Variants in ABCC8 observed in about 807,000 individuals in gnomAD.
ABCC8 encodes ATP-binding cassette sub-family C member 8.
A neutral mutation model predicts 188.0 loss-of-function variants in ABCC8; 137 were observed. The observed-to-expected ratio is 0.73, with a 90% confidence interval of 0.63 to 0.84. The LOEUF (loss-of-function observed/expected upper bound fraction) is 0.84, where lower values mean the gene tolerates loss of function less well. ABCC8 is among the 40% of genes least tolerant of loss of function. The probability of loss-of-function intolerance (pLI) is 0.00; values close to 1 mark genes in which losing one functional copy is unlikely to be tolerated. For missense variants in ABCC8, 1,750 were observed against 2,072.7 expected, an observed-to-expected ratio of 0.84 and a Z score of 3.02; for synonymous variants, 797 against 846.5, an observed-to-expected ratio of 0.94 and a Z score of 1.01.
At chr11:17,435,529 C>G (rs1956052715) in intron 10 of ABCC8, 1 of 1,129,650 alleles carries the variant, frequency 8.9e-7, no homozygotes, top group Non-Finnish European at 1.3e-6. Context: ...ACAAGGTACT[C>G]TACTGCTCCA....
At position 17,395,395 on chromosome 11, in the gene ABCC8, C is replaced by T. The variant is rs747630692; in HGVS notation, c.4308-120G>A. On this transcript the variant is annotated intron_variant, in intron 35 of 38. Coordinates refer to ENST00000389817, the MANE Select transcript of ABCC8 (RefSeq NM_000352.6). The stretch of plus-strand genomic sequence containing the variant: ...TTGGAGGTCTGGCTGGGAGAAGCAC[C>T]GAGGTGGTGGCAGTGGGTGGGGGAC... 28 of 1,530,028 alleles carry T rather than the reference C, an allele frequency of 1.8e-5. No individual in the cohort carries two copies. The East Asian group carries it at 2.5e-4, about 13-fold the overall frequency. 94.8% of individuals were successfully genotyped at this position (1,530,028 alleles called of 1,614,324 possible). A position where few individuals can be genotyped will look rare whatever the true frequency, so the allele number is the denominator to read the frequency against.
chr11:17,441,806 G>A (rs910038854), intron 10 of ABCC8, among the ~76,000 whole-genome samples: 4 of 152,216 alleles, frequency 2.6e-5, no homozygotes, highest in Non-Finnish European at 5.9e-5. Flanking sequence ...TTTGGGCTGG[G>A]CACAGTGGCT....
intron 11 of ABCC8, 121 bp from the exon 12 acceptor site, chr11:17,431,080 T>C (rs1955827549): frequency 2.0e-6 from 3 of 1,484,184 alleles, no homozygotes; most frequent in Admixed American, 2.0e-5. Flanking sequence ...CCTAAGAGGA[T>C]CTTTTAGTTG....
intron 22 of ABCC8, among the ~76,000 whole-genome samples, chr11:17,408,865 C>T (rs769916357): frequency 9.2e-5 from 14 of 152,026 alleles, no homozygotes; most frequent in African/African-American, 3.1e-4. Context: ...CTCCTCTTGA[C>T]GGCGGGTCTG....
chr11:17,394,423 A>T, intron 36 of ABCC8, 24 bp from the exon 37 acceptor site: 1 of 1,614,110 alleles, frequency 6.2e-7, no homozygotes, highest in South Asian at 1.1e-5. Context: ...GGGGAGATGA[A>T]GTAGGACTGA....
chr11:17,430,809 C>T lies in ABCC8; in HGVS notation c.1817+5G>A, dbSNP rs1224449122. The T allele has an allele frequency of 6.2e-7, 1 of 1,614,098 alleles. No individual in the cohort carries two copies. On this transcript the variant is annotated splice_donor_5th_base_variant and intron_variant, in intron 12 of 38. Coordinates refer to ENST00000389817, the MANE Select transcript of ABCC8 (RefSeq NM_000352.6). ...CCAGTGCCCTCGCCCGGACCCTCCC[C>T]TCACCTCACTAGAGCTTTGACGGTA... is the stretch of plus-strand genomic sequence containing the variant.
At chr11:17,460,978 CT>C in intron 5 of ABCC8, 1 of 477,296 alleles carries the variant, frequency 2.1e-6, no homozygotes, top group Non-Finnish European at 3.8e-6. Flanking sequence ...ATGTGCCACA[CT>C]CACTCATTAC....
chr11:17,431,666 T>G (rs554220721), intron 11 of ABCC8, among the ~76,000 whole-genome samples: 3 of 152,362 alleles, frequency 2.0e-5, no homozygotes. Context: ...TTATCAAAAT[T>G]GCTTTAGAAA....
At chr11:17,428,462 G>A in intron 13 of ABCC8, 57 bp from the exon 14 acceptor site, 2 of 1,603,504 alleles carry the variant, frequency 1.2e-6, no homozygotes, top group Non-Finnish European at 1.7e-6. Context: ...AGGGAAGGGA[G>A]CCCCTCTTCC....
intron 21 of ABCC8, 81 bp downstream of exon 21, chr11:17,412,585 T>C: frequency 6.6e-7 from 1 of 1,510,654 alleles, no homozygotes; most frequent in Non-Finnish European, 9.0e-7. Flanking sequence ...TGGATGATGG[T>C]GGGGTTGCGG....
chr11:17,433,659 A>C (rs1166305194), intron 10 of ABCC8, among the ~76,000 whole-genome samples: 4 of 152,174 alleles, frequency 2.6e-5, no homozygotes, highest in African/African-American at 9.7e-5. Context: ...GCCCCTTAGG[A>C]GTTCTCAAGC....
rs569546580 is a variant in ABCC8 at position 17,467,042 on chromosome 11, C to CCACACACACACACACACA, written c.412+3041_412+3058dup. ...TAAATTTTATGTTAAACATGTTAAA[C>CCACACACACACACACACA]CACACACACACACACACACACACAC... On this transcript the variant is annotated intron_variant, in intron 3 of 38. Transcript: ENST00000389817. Among the ~76,000 whole-genome samples the CCACACACACACACACACA allele has an allele frequency of 2.1e-3, 279 of 132,380 alleles. 3 individuals carry two copies. Among genetic ancestry groups the CCACACACACACACACACA allele is most frequent in the Middle Eastern group, 4.0e-3 (1 of 252 alleles). 86.8% of individuals were successfully genotyped at this position (132,380 alleles called of 152,430 possible). A position where few individuals can be genotyped will look rare whatever the true frequency, so the allele number is the denominator to read the frequency against.
rs144348011 is a variant in ABCC8 at position 17,406,644 on chromosome 11, G to T, written c.3307C>A (p.Arg1103=). Reference sequence around the variant, plus strand: ...TACCTCATGGGGGCTAGGATGATCCGGTTTAGCAGGCTGCGGTGCAGTCTC... The same window carrying T: ...TACCTCATGGGGGCTAGGATGATCCTGTTTAGCAGGCTGCGGTGCAGTCTC... ...AKRLHRSLLN[R]IILAPMRFFE... The change falls in exon 26 of 39, where the codon CGG becomes AGG. Residue 1103 remains arginine (R), a synonymous_variant. Transcript: ENST00000389817. The T allele has an allele frequency of 2.6e-5, 42 of 1,614,146 alleles. No individual in the cohort carries two copies. The Middle Eastern group carries it at 4.9e-4, about 19-fold the overall frequency.
chr11:17,405,937 C>T (rs1180588678), intron 26 of ABCC8, among the ~76,000 whole-genome samples: 3 of 152,232 alleles, frequency 2.0e-5, no homozygotes, highest in African/African-American at 7.2e-5. Context: ...AGCCCAACCC[C>T]AACCAGGGAG....
At chr11:17,448,373 A>G (rs1591845322) in intron 8 of ABCC8, 143 bp downstream of exon 8, 3 of 751,296 alleles carry the variant, frequency 4.0e-6, no homozygotes, top group East Asian at 5.2e-5. Flanking sequence ...CCAGAGGTAC[A>G]GCCTGTGGTA....
chr11:17,437,919 C>T (rs1317465478), intron 10 of ABCC8, among the ~76,000 whole-genome samples: 2 of 152,134 alleles, frequency 1.3e-5, no homozygotes, highest in African/African-American at 2.4e-5. Context: ...GCCAACATGG[C>T]GAAACCCTGT....
chr11:17,471,991 G>T (rs1307531906), intron 2 of ABCC8, among the ~76,000 whole-genome samples: 1 of 152,154 alleles, frequency 6.6e-6, no homozygotes, highest in Non-Finnish European at 1.5e-5. Context: ...CCTTCCTGGG[G>T]ATCTTCAAAA....
intron 16 of ABCC8, among the ~76,000 whole-genome samples, chr11:17,420,544 G>A (rs1325179420): frequency 2.0e-5 from 3 of 152,146 alleles, no homozygotes; most frequent in Non-Finnish European, 4.4e-5. Context: ...AATTGTACAG[G>A]CAGATGCGAC....
Position 17,460,614 on chromosome 11 carries a change from G to A in ABCC8, c.885C>T (p.Phe295=), listed in dbSNP as rs778990778. The change falls in exon 6 of 39, where the codon TTC becomes TTT. Residue 295 remains phenylalanine (F), a synonymous_variant. Coordinates refer to ENST00000389817, the MANE Select transcript of ABCC8 (RefSeq NM_000352.6). The stretch of plus-strand genomic sequence containing the variant: ...TGCTGCTGAGGACCAGGCGCCTCCC[G>A]AAGGCATGGCTGAGTGCCTGCCAGA... ...RAIWQALSHA[F]GRRLVLSSTF... 2.5e-6 allele frequency: 4 copies of A among 1,612,888 alleles called. No individual in the cohort carries two copies. Among genetic ancestry groups the A allele is most frequent in the Non-Finnish European group, 1.7e-6 (2 of 1,180,032 alleles).
Sources: allele counts gnomAD v4.1 joint callset (sites outside exome capture counted in the v4.1 genomes callset), GRCh38; gene constraint gnomAD v4.1.1; transcripts MANE v1.5; gene names NCBI Gene and HGNC (gene_info 2026-07-23, HGNC 2026-07-21).